The following METTL2A variants were observed in gnomAD, a reference collection of about 807,000 sequenced individuals.
The protein encoded by METTL2A is methyltransferase 2A, tRNA N3-cytidine, also known as tRNA N(3)-cytidine methyltransferase METTL2A.
Under a neutral mutation model 49.4 loss-of-function variants are expected in METTL2A, and 45 were observed. The ratio of observed to expected loss-of-function variants is 0.91; its 90% confidence interval spans 0.72 to 1.17. METTL2A has a LOEUF of 1.17. METTL2A is among the 50% of genes most tolerant of loss of function. The probability of loss-of-function intolerance (pLI) is 0.00; values close to 1 mark genes in which losing one functional copy is unlikely to be tolerated. For synonymous variants in METTL2A, 118 were observed against 167.5 expected (o/e 0.70, Z 2.28); for missense variants, 361 against 462.2 (o/e 0.78, Z 2.01).
chr17:62,440,996 G>C (rs920078701), intron 6 of METTL2A, among the ~76,000 whole-genome samples: 4 of 152,078 alleles, frequency 2.6e-5, no homozygotes, highest in Non-Finnish European at 5.9e-5. Context: ...AGCAGAGATG[G>C]GGTTTTGCCA....
chr17:62,426,254 A>G (rs1325199931), intron 2 of METTL2A, 45 bp from the exon 3 acceptor site: 2 of 1,527,238 alleles, frequency 1.3e-6, no homozygotes, highest in Non-Finnish European at 1.8e-6. Flanking sequence ...TATAAATAAA[A>G]CATTTGAGAG....
chr17:62,430,399 C>T (rs1359021570), intron 4 of METTL2A, among the ~76,000 whole-genome samples: 2 of 152,158 alleles, frequency 1.3e-5, no homozygotes, highest in African/African-American at 4.8e-5. Flanking sequence ...TGCTAGAACC[C>T]ACTTGTTCAT....
intron 3 of METTL2A, among the ~76,000 whole-genome samples, chr17:62,427,211 C>T (rs1347719596): frequency 6.6e-6 from 1 of 152,108 alleles, no homozygotes; most frequent in Non-Finnish European, 1.5e-5. Context: ...AACTGGTCAG[C>T]CTTGGGATTG....
At chr17:62,430,668 C>T (rs1442920880) in intron 4 of METTL2A, among the ~76,000 whole-genome samples, 2 of 152,084 alleles carry the variant, frequency 1.3e-5, no homozygotes, top group Non-Finnish European at 2.9e-5. Flanking sequence ...TAGTTGTTAT[C>T]GTCCAGCTGC....
At chr17:62,441,453 T>A (rs1224406535) in intron 6 of METTL2A, among the ~76,000 whole-genome samples, 1 of 152,114 alleles carries the variant, frequency 6.6e-6, no homozygotes, top group Non-Finnish European at 1.5e-5. Context: ...TTTTATTTTA[T>A]TTTATTTTTT....
At chr17:62,440,019 CTTTTT>C (rs60232494) in intron 5 of METTL2A, among the ~76,000 whole-genome samples, 1 of 141,076 alleles carries the variant, frequency 7.1e-6, no homozygotes. Flanking sequence ...TTTGCCGTTA[CTTTTT>C]TTTTTTTTTT....
Position 62,449,429 on chromosome 17 carries a change from C to T in METTL2A, c.*700C>T, listed in dbSNP as rs376995721. 2.7e-4 allele frequency: 121 copies of T among 451,068 alleles called. 1 individual carries two copies. The highest frequency in any genetic ancestry group is 2.6e-4 in the Admixed American group (11 of 42,116). 27.9% of individuals were successfully genotyped at this position (451,068 alleles called of 1,614,324 possible). On this transcript the variant is annotated 3_prime_UTR_variant, in exon 9 of 9. Coordinates refer to ENST00000311506, the MANE Select transcript of METTL2A (RefSeq NM_181725.4). Reference sequence around the variant, plus strand: ...GTGGTCTTCGCTTTAATCTTAGTTCCGCCAGGCACGGTGGCTCACACCTGT... The same window carrying T: ...GTGGTCTTCGCTTTAATCTTAGTTCTGCCAGGCACGGTGGCTCACACCTGT...
At position 62,427,835 on chromosome 17, in the gene METTL2A, C is replaced by T. The variant is rs759007100; in HGVS notation, c.606C>T (p.Asn202=). The part of the protein sequence containing the change: ...GNTVFPILQT[N]NDPGLFVYCC... ...CAGTCTTTCCAATTTTACAAACGAA[C>T]AAGTAAGTATGTTGTAAAAGTTTAT... Residue 202 remains asparagine, a splice_region_variant and synonymous_variant, in exon 4 of 9, where the codon AAC becomes AAT. Transcript: ENST00000311506. The T allele has an allele frequency of 4.4e-6, 7 of 1,606,820 alleles. No individual in the cohort carries two copies. Among genetic ancestry groups the T allele is most frequent in the Middle Eastern group, 1.7e-4 (1 of 6,018 alleles).
chr17:62,432,582 A>T (rs2070672907), intron 4 of METTL2A, among the ~76,000 whole-genome samples: 1 of 151,894 alleles, frequency 6.6e-6, no homozygotes, highest in Non-Finnish European at 1.5e-5. Flanking sequence ...GGCAGATCAC[A>T]AGGTCAGGAG....
At position 62,435,227 on chromosome 17, in the gene METTL2A, T is replaced by C. The variant is rs201568922; in HGVS notation, c.609-5T>C. On this transcript the variant is annotated splice_region_variant and splice_polypyrimidine_tract_variant and intron_variant, in intron 4 of 8. Transcript: ENST00000311506. ...TCATTGTTCTGTCTTTTCTGCCCATTTCAGTGACCCAGGACTCTTTGTTTA... is the reference window on the plus strand; with the variant it reads ...TCATTGTTCTGTCTTTTCTGCCCATCTCAGTGACCCAGGACTCTTTGTTTA... 24 of 1,613,884 alleles carry C rather than the reference T, an allele frequency of 1.5e-5. No homozygotes were observed. The highest frequency in any genetic ancestry group is 2.0e-5 in the Non-Finnish European group (24 of 1,179,874).
intron 7 of METTL2A, among the ~76,000 whole-genome samples, chr17:62,446,664 G>A (rs1351890528): frequency 6.6e-6 from 1 of 151,924 alleles, no homozygotes; most frequent in Non-Finnish European, 1.5e-5. Flanking sequence ...CATTTTTTTT[G>A]AATATAGTCA....
chr17:62,446,161 CTT>C (rs576144648), intron 7 of METTL2A, among the ~76,000 whole-genome samples: 1 of 151,454 alleles, frequency 6.6e-6, no homozygotes, highest in Non-Finnish European at 1.5e-5. Flanking sequence ...TTGTTACAGC[CTT>C]TTTTTTTGAG....
Position 62,429,354 on chromosome 17 carries a change from A to C in METTL2A, c.608+1517A>C, listed in dbSNP as rs191588314. Among the ~76,000 whole-genome samples the C allele has an allele frequency of 1.1e-4, 16 of 152,202 alleles. No individual in the cohort carries two copies. The East Asian group carries it at 2.9e-3, about 28-fold the overall frequency. On this transcript the variant is annotated intron_variant, in intron 4 of 8. Coordinates refer to ENST00000311506, the MANE Select transcript of METTL2A (RefSeq NM_181725.4). ...CACCCAGGTTGGAGTGCAGTGGCAC[A>C]ATCTCGACTCATTGCAACCTCCGCC... is the stretch of plus-strand genomic sequence containing the variant.
chr17:62,435,421 T>G, intron 5 of METTL2A, 129 bp downstream of exon 5: 1 of 1,317,016 alleles, frequency 7.6e-7, no homozygotes, highest in Non-Finnish European at 1.1e-6. Flanking sequence ...GTAAAAGATT[T>G]ACTGATAACG....
At position 62,446,549 on chromosome 17, in the gene METTL2A, G is replaced by A. The variant is rs1453613693; in HGVS notation, c.917-1152G>A. 2.0e-5 allele frequency among the ~76,000 whole-genome samples: 3 copies of A among 151,892 alleles called. No homozygotes were observed. In the East Asian group the frequency reaches 5.8e-4, roughly 29 times the overall value. ...GCTGGTCTCGAACTCCTGACCTTAG[G>A]TGATCCACCCACCTCAGCCTCCCAA... is the stretch of plus-strand genomic sequence containing the variant. On this transcript the variant is annotated intron_variant, in intron 7 of 8. Transcript: ENST00000311506.
chr17:62,446,094 A>G lies in METTL2A; in HGVS notation c.916+1151A>G, dbSNP rs7223584. Reference sequence around the variant, plus strand: ...TAAAAATAACGAGTTAGTACTTCCTATTGCTGGCCAATTCAAAGAAAGAGG... The same window carrying G: ...TAAAAATAACGAGTTAGTACTTCCTGTTGCTGGCCAATTCAAAGAAAGAGG... On this transcript the variant is annotated intron_variant, in intron 7 of 8. Transcript: ENST00000311506. Among the ~76,000 whole-genome samples the G allele has an allele frequency of 5.8e-3, 891 of 152,346 alleles. 7 individuals are homozygous for G. The highest frequency in any genetic ancestry group is 0.02 in the African/African-American group (849 of 41,590).
intron 6 of METTL2A, among the ~76,000 whole-genome samples, chr17:62,442,512 C>A (rs2070744333): frequency 6.6e-6 from 1 of 152,158 alleles, no homozygotes; most frequent in South Asian, 2.1e-4. Context: ...CTCCTTACCT[C>A]AAGTTATCCA....
intron 4 of METTL2A, among the ~76,000 whole-genome samples, chr17:62,432,964 TACA>T: frequency 6.6e-6 from 1 of 152,296 alleles, no homozygotes. Flanking sequence ...CAATCAATAA[TACA>T]ACAATTTTTA....
chr17:62,445,109 C>T (rs1488454901), intron 7 of METTL2A, among the ~76,000 whole-genome samples, 166 bp downstream of exon 7: 11 of 98,534 alleles, frequency 1.1e-4, no homozygotes, highest in African/African-American at 2.8e-4. Flanking sequence ...CACATGGACA[C>T]GGGGCGGGGG....
Sources: allele counts gnomAD v4.1 joint callset (sites outside exome capture counted in the v4.1 genomes callset), GRCh38; gene constraint gnomAD v4.1.1; transcripts MANE v1.5; gene names NCBI Gene and HGNC (gene_info 2026-07-23, HGNC 2026-07-21).